Variants in ABCA12 observed in about 807,000 individuals in gnomAD.
ABCA12 encodes glucosylceramide transporter ABCA12.
In ABCA12, 156 loss-of-function variants were observed where a neutral mutation model predicts 293.5. The observed-to-expected ratio is 0.53, with a 90% CI of 0.47 to 0.61. The LOEUF (loss-of-function observed/expected upper bound fraction) is 0.61, where lower values mean the gene tolerates loss of function less well. Among genes scored for constraint, ABCA12 ranks in the 20% least tolerant of loss-of-function variants. ABCA12 has a pLI of 0.00. For synonymous variants in ABCA12, 1,063 were observed against 1,108.0 expected (o/e 0.96, Z 0.81); for missense variants, 2,797 against 3,090.2 (o/e 0.91, Z 2.25).
At chr2:215,092,520 C>T (rs73987790) in intron 2 of ABCA12, among the ~76,000 whole-genome samples, 16,734 of 152,054 alleles carry the variant, frequency 0.11, 1,255 homozygotes, top group East Asian at 0.42. Flanking sequence ...ACCAATCACA[C>T]GCCCATTACT....
intron 11 of ABCA12, 156 bp downstream of exon 11, chr2:215,025,517 G>C (rs1700718584): frequency 3.3e-6 from 2 of 613,064 alleles, no homozygotes; most frequent in Non-Finnish European, 5.6e-6. Context: ...TATAAATCTA[G>C]AGTTAAAATA....
At chr2:215,100,358 C>G (rs112764439) in intron 2 of ABCA12, among the ~76,000 whole-genome samples, 4 of 152,088 alleles carry the variant, frequency 2.6e-5, no homozygotes, top group African/African-American at 9.7e-5. Flanking sequence ...GCCACTTCCT[C>G]TTGTTGCATA....
intron 1 of ABCA12, among the ~76,000 whole-genome samples, chr2:215,115,196 CAGAG>C (rs1308774069): frequency 1.3e-5 from 2 of 152,090 alleles, no homozygotes; most frequent in Non-Finnish European, 2.9e-5. Flanking sequence ...GATTTCAGGT[CAGAG>C]AGAGATTTAG....
intron 41 of ABCA12, among the ~76,000 whole-genome samples, chr2:214,957,752 C>T (rs1019657242): frequency 1.3e-5 from 2 of 152,190 alleles, no homozygotes; most frequent in African/African-American, 4.8e-5. Context: ...AATGAGAGAG[C>T]TATCAATGAA....
intron 11 of ABCA12, 70 bp downstream of exon 11, chr2:215,025,603 T>TC: frequency 1.9e-6 from 2 of 1,071,894 alleles, no homozygotes; most frequent in Non-Finnish European, 2.7e-6. Flanking sequence ...TGTTAAGGTT[T>TC]TTTTTTTGTT....
At chr2:215,063,605 T>G (rs980707297) in intron 3 of ABCA12, among the ~76,000 whole-genome samples, 1 of 148,478 alleles carries the variant, frequency 6.7e-6, no homozygotes, top group Non-Finnish European at 1.5e-5. Flanking sequence ...TTTATTACTT[T>G]GAATTTCAGG....
At chr2:215,073,683 G>A (rs1701781754) in intron 2 of ABCA12, among the ~76,000 whole-genome samples, 1 of 152,188 alleles carries the variant, frequency 6.6e-6, no homozygotes. Context: ...TTCCTGCAGT[G>A]CCACTGCATC....
chr2:215,022,332 T>C (rs1700648461), intron 11 of ABCA12: 1 of 152,204 alleles, frequency 6.6e-6, no homozygotes, highest in East Asian at 1.9e-4. Flanking sequence ...ACACTGTGGC[T>C]AATAGGCTTG....
rs750521029 is a variant in ABCA12 at position 214,978,888 on chromosome 2, G to A, written c.4893C>T (p.Tyr1631=). The change falls in exon 32 of 53, where the codon TAC becomes TAT. Residue 1631 remains tyrosine (Y), a synonymous_variant. Coordinates refer to ENST00000272895, the MANE Select transcript of ABCA12 (RefSeq NM_173076.3). ...TGTCGAGTGCCCGTAGGAGTGACAG[G>A]TAGGCCCCTGAGACTTTGGTGCTGA... ...PPFSTKVSGA[Y]LSLLRALDNG... The A allele has an allele frequency of 3.7e-6, 6 of 1,613,916 alleles. No individual in the cohort carries two copies. Among genetic ancestry groups the A allele is most frequent in the East Asian group, 2.2e-5 (1 of 44,876 alleles).
rs552277621 is a variant in ABCA12, at chr2:214,951,153, A to G, written c.6648-70T>C. On this transcript the variant is annotated intron_variant, in intron 44 of 52. Transcript: ENST00000272895. ...CAGCATTCAATTTTGACATGTTTTG[A>G]TGGGTTTTCATGTCACTAACAGTGT... 4 of 1,323,032 alleles carry G rather than the reference A, an allele frequency of 3.0e-6. No homozygotes were observed. In the East Asian group the frequency reaches 6.9e-5, roughly 23 times the overall value. The allele number at this position is 1,323,032 out of a possible 1,614,324, so 82.0% of individuals were successfully genotyped here.
intron 51 of ABCA12, among the ~76,000 whole-genome samples, chr2:214,935,142 T>G (rs1698180022): frequency 6.6e-6 from 1 of 152,216 alleles, no homozygotes; most frequent in South Asian, 2.1e-4. Flanking sequence ...CCCATTGACA[T>G]GCAGTTGCAT....
intron 9 of ABCA12, among the ~76,000 whole-genome samples, 160 bp downstream of exon 9, chr2:215,031,661 A>T (rs1265881077): frequency 6.6e-6 from 1 of 152,236 alleles, no homozygotes; most frequent in East Asian, 1.9e-4. Flanking sequence ...ATAAGTTTCA[A>T]CTTTACTACA....
At position 214,950,962 on chromosome 2, in the gene ABCA12, A is replaced by G. The variant is rs1395590195; in HGVS notation, c.6769T>C (p.Tyr2257His). 1.9e-6 allele frequency: 3 copies of G among 1,614,178 alleles called. No individual in the cohort carries two copies. Among genetic ancestry groups the G allele is most frequent in the South Asian group, 2.2e-5 (2 of 91,076 alleles). ...GAAEFDLVQL[Y>H]CLTKTYQLIH... ...AGTTGGTAGGTCTTTGTGAGACAATAAAGTTGGACCAAGTCAAATTCAGCT... is the reference window on the plus strand; with the variant it reads ...AGTTGGTAGGTCTTTGTGAGACAATGAAGTTGGACCAAGTCAAATTCAGCT... Residue 2257 changes from tyrosine (Y) to histidine (H), a missense_variant, in exon 45 of 53, where the codon TAT (tyrosine) becomes CAT (histidine). Tyr to His is a moderately conservative substitution (Grantham distance 83). Coordinates refer to ENST00000272895, the MANE Select transcript of ABCA12 (RefSeq NM_173076.3).
intron 1 of ABCA12, among the ~76,000 whole-genome samples, chr2:215,114,784 G>T (rs1332584341): frequency 1.3e-5 from 2 of 152,102 alleles, no homozygotes; most frequent in Non-Finnish European, 2.9e-5. Context: ...AAGAATTAAG[G>T]TTAAAAAATT....
intron 20 of ABCA12, among the ~76,000 whole-genome samples, chr2:215,003,175 T>C (rs145041530): frequency 6.6e-6 from 1 of 152,336 alleles, no homozygotes; most frequent in East Asian, 1.9e-4. Flanking sequence ...GCGTTTGCTC[T>C]GCTACTGCCA....
intron 5 of ABCA12, 102 bp downstream of exon 5, chr2:215,052,385 A>G: frequency 1.0e-6 from 1 of 966,008 alleles, no homozygotes; most frequent in South Asian, 1.4e-5. Context: ...TACCCTAAAT[A>G]GGAAAGGTGC....
chr2:215,108,055 A>G (rs1487622229), intron 2 of ABCA12, among the ~76,000 whole-genome samples: 1 of 152,204 alleles, frequency 6.6e-6, no homozygotes, highest in Non-Finnish European at 1.5e-5. Context: ...CCATGATCTA[A>G]TGATGAAGAC....
intron 7 of ABCA12, among the ~76,000 whole-genome samples, chr2:215,040,255 T>G (rs919570768): frequency 3.9e-5 from 6 of 152,172 alleles, no homozygotes; most frequent in Admixed American, 1.3e-4. Context: ...TCAGATGCTA[T>G]TCTATCAAAA....
At chr2:214,989,042 G>A (rs1435574824) in intron 26 of ABCA12, among the ~76,000 whole-genome samples, 1 of 150,040 alleles carries the variant, frequency 6.7e-6, no homozygotes, top group African/African-American at 2.4e-5. Context: ...AGCCGGGCGT[G>A]GTGGCACGTG....
Sources: gnomAD v4.1 joint callset for allele counts (sites outside exome capture counted in the v4.1 genomes callset) on GRCh38, gnomAD v4.1.1 for gene constraint, MANE v1.5 for transcripts, NCBI Gene and HGNC (gene_info 2026-07-23, HGNC 2026-07-21) for gene names.